KANSL3: variants seen among roughly 807,000 people sequenced by gnomAD.
KANSL3 encodes KAT8 regulatory NSL complex subunit 3.
A neutral mutation model predicts 89.2 loss-of-function variants in KANSL3; 16 were observed. The observed-to-expected ratio is 0.18, with a 90% CI of 0.12 to 0.27. The LOEUF is 0.27. Ranked by LOEUF, KANSL3 falls within the 10% of genes least tolerant of loss-of-function variation. KANSL3 has a pLI of 1.00. For synonymous variants in KANSL3, 385 were observed against 419.7 expected (o/e 0.92, Z 1.01); for missense variants, 879 against 1,110.6 (o/e 0.79, Z 2.96).
chr2:96,601,862 C>G, intron 19 of KANSL3, 86 bp from the exon 20 acceptor site: 2 of 1,462,306 alleles, frequency 1.4e-6, no homozygotes, highest in Non-Finnish European at 1.8e-6. Context: ...GCTTCTCCCC[C>G]ACATAACACA....
chr2:96,612,656 C>A, intron 7 of KANSL3, 93 bp from the exon 8 acceptor site: 1 of 1,222,292 alleles, frequency 8.2e-7, no homozygotes. Context: ...CCTTGGAATT[C>A]CACATGAAAG....
In KANSL3 at chr2:96,593,919, T is replaced by C. The variant is rs2066370674; in HGVS notation, c.*1692A>G. On this transcript the variant is annotated 3_prime_UTR_variant, in exon 21 of 21. Transcript: ENST00000431828. ...ACTAAATACTTTCTGAATTTAAGAATTTTGAGAAAGTCACCTACCAGCTAA... is the reference window on the plus strand; with the variant it reads ...ACTAAATACTTTCTGAATTTAAGAACTTTGAGAAAGTCACCTACCAGCTAA... 6.6e-6 allele frequency: 1 copy of C among 152,474 alleles called. No individual in the cohort carries two copies. Among genetic ancestry groups the C allele is most frequent in the Non-Finnish European group, 1.5e-5 (1 of 68,238 alleles). 9.4% of individuals were successfully genotyped at this position (152,474 alleles called of 1,614,324 possible).
At chr2:96,591,866 A>G (rs2066281454), downstream of KANSL3, among the ~76,000 whole-genome samples, 1 of 152,196 alleles carries the variant, frequency 6.6e-6, no homozygotes, top group South Asian at 2.1e-4. Flanking sequence ...CAAGTACCAA[A>G]ACCGTGAGGC....
At chr2:96,586,958 AC>A in the KANSL3 span, among the ~76,000 whole-genome samples, 4 of 152,208 alleles carry the variant, frequency 2.6e-5, no homozygotes, top group African/African-American at 9.7e-5. Flanking sequence ...TTTTTAAATA[AC>A]AGTTTCCTGT....
At chr2:96,581,089 A>G in the KANSL3 span, among the ~76,000 whole-genome samples, 1 of 152,216 alleles carries the variant, frequency 6.6e-6, no homozygotes, top group South Asian at 2.1e-4. Flanking sequence ...GATGCCTGAG[A>G]AGAGAGCCCC....
intron 5 of KANSL3, among the ~76,000 whole-genome samples, chr2:96,614,375 T>C (rs374405755): frequency 2.0e-5 from 3 of 152,206 alleles, no homozygotes; most frequent in African/African-American, 7.2e-5. Flanking sequence ...ATTAAAGGCA[T>C]CAGCCACTGC....
chr2:96,613,597 A>C lies in KANSL3; in HGVS notation c.686T>G (p.Met229Arg). ...AGTCTTTGTGTTGGATGACACAAGC[A>C]TCCGGTCAATCAAGGTTGGGATCTA... ...KGKIPTLIDR[M>R]LVSSNTKTGA... The change falls in exon 6 of 21, where the codon ATG becomes AGG. Residue 229 changes from methionine (M) to arginine (R), a missense_variant. Met to Arg is a moderately conservative substitution (Grantham distance 91, BLOSUM62 -1). Around this residue, in one of 6 missense-constraint regions of KANSL3, gnomAD observed 210 missense variants for 311.9 expected, o/e 0.67. Coordinates refer to ENST00000431828, the MANE Select transcript of KANSL3 (RefSeq NM_001115016.3). The C allele has an allele frequency of 6.2e-7, 1 of 1,613,092 alleles. No homozygotes were observed. The highest frequency in any genetic ancestry group is 8.5e-7 in the Non-Finnish European group (1 of 1,179,460).
At chr2:96,625,226 C>CA (rs1268363495) in intron 3 of KANSL3, among the ~76,000 whole-genome samples, 1 of 151,608 alleles carries the variant, frequency 6.6e-6, no homozygotes, top group Non-Finnish European at 1.5e-5. Context: ...AAAACAAAAC[C>CA]AAAAAAACAA....
At chr2:96,633,643 A>AACAC (rs2073823124) in intron 2 of KANSL3, among the ~76,000 whole-genome samples, 2 of 151,348 alleles carry the variant, frequency 1.3e-5, no homozygotes, top group Non-Finnish European at 2.9e-5. Flanking sequence ...AGGCATGCGG[A>AACAC]TTGCCTGAGC....
intron 1 of KANSL3, among the ~76,000 whole-genome samples, chr2:96,637,790 C>T (rs966282673): frequency 1.3e-5 from 2 of 152,238 alleles, no homozygotes; most frequent in East Asian, 3.8e-4. Flanking sequence ...AACTGCCCCC[C>T]CAACAAAGCC....
chr2:96,630,265 C>T (rs931631481), intron 3 of KANSL3, among the ~76,000 whole-genome samples: 13 of 152,140 alleles, frequency 8.5e-5, no homozygotes, highest in African/African-American at 3.1e-4. Context: ...AAAATGAAAA[C>T]AATCTAAATA....
chr2:96,601,649 G>A lies in KANSL3; in HGVS notation c.2610C>T (p.Ser870=), dbSNP rs1257763100. Residue 870 remains serine, a synonymous_variant, in exon 20 of 21, where the codon AGC becomes AGT. Coordinates refer to ENST00000431828, the MANE Select transcript of KANSL3 (RefSeq NM_001115016.3). ...EESSSQVLPS[S]SQRLPPAP is the part of the protein sequence containing the mutation. ...TCCTTCCTGGCAGACTCACCTGTGA[G>A]CTGGAGGGCAGCACCTGGGAAGAGG... 6.2e-7 allele frequency: 1 copy of A among 1,613,584 alleles called. No individual in the cohort carries two copies. The highest frequency in any genetic ancestry group is 8.5e-7 in the Non-Finnish European group (1 of 1,179,734).
At chr2:96,608,123 C>G (rs2068284714) in intron 14 of KANSL3, among the ~76,000 whole-genome samples, 1 of 152,132 alleles carries the variant, frequency 6.6e-6, no homozygotes, top group Non-Finnish European at 1.5e-5. Flanking sequence ...AAGGGTCAAA[C>G]AAAGAAAGGG....
intron 9 of KANSL3, among the ~76,000 whole-genome samples, chr2:96,611,903 A>ATATGTGTGTGTGTGTGTGTGTGTGTG (rs376030964): frequency 5.3e-5 from 6 of 113,304 alleles, no homozygotes; most frequent in African/African-American, 1.1e-4. Flanking sequence ...ATATACCCAT[A>ATATGTGTGTGTGTGTGTGTGTGTGTG]TGTGTGTGTG....
At chr2:96,630,534 G>C (rs1173492246) in intron 3 of KANSL3, among the ~76,000 whole-genome samples, 1 of 152,216 alleles carries the variant, frequency 6.6e-6, no homozygotes, top group Admixed American at 6.5e-5. Flanking sequence ...GGAGGAAACG[G>C]GAAGTAACTG....
intron 3 of KANSL3, among the ~76,000 whole-genome samples, chr2:96,630,140 T>C (rs768835820): frequency 6.6e-6 from 1 of 152,224 alleles, no homozygotes; most frequent in Non-Finnish European, 1.5e-5. Context: ...AATACAGAGT[T>C]ATCATATGAC....
At chr2:96,607,706 T>C (rs926177217) in intron 14 of KANSL3, among the ~76,000 whole-genome samples, 2 of 152,238 alleles carry the variant, frequency 1.3e-5, no homozygotes, top group Admixed American at 1.3e-4. Flanking sequence ...TCTGATCATT[T>C]GGCTCCACTA....
intron 5 of KANSL3, chr2:96,615,165 CAAAAAAAA>C (rs35960339): frequency 2.5e-5 from 2 of 80,424 alleles, no homozygotes; most frequent in Non-Finnish European, 4.2e-5. Context: ...GAGACTGTCT[CAAAAAAAA>C]AAAAAAAAAA....
chr2:96,602,482 T>C, intron 18 of KANSL3, 144 bp from the exon 19 acceptor site: 2 of 676,402 alleles, frequency 3.0e-6, no homozygotes, highest in Non-Finnish European at 5.1e-6. Flanking sequence ...ATTTTGCATA[T>C]ATTATTTCAT....
Sources: gnomAD v4.1 joint callset for allele counts (sites outside exome capture counted in the v4.1 genomes callset) on GRCh38, gnomAD v4.1.1 for gene constraint, gnomAD v4.1.1 regional missense constraint, MANE v1.5 for transcripts, NCBI Gene and HGNC (gene_info 2026-07-23, HGNC 2026-07-21) for gene names.